Variants in PCDHA2 observed in about 807,000 individuals in gnomAD.
PCDHA2 encodes protocadherin alpha 2.
PCDHA2 carries 58 observed loss-of-function variants against 66.0 expected under a neutral mutation model. The observed-to-expected ratio is 0.88, with a 90% CI of 0.71 to 1.09. The LOEUF (loss-of-function observed/expected upper bound fraction) is 1.09. PCDHA2 is among the 50% of genes least tolerant of loss of function. The pLI, the probability that PCDHA2 is intolerant of heterozygous loss-of-function variation, is 0.00. For missense variants in PCDHA2, 1,267 were observed against 1,242.3 expected, an observed-to-expected ratio of 1.02 and a Z score of -0.30; for synonymous variants, 634 against 554.0, an observed-to-expected ratio of 1.14 and a Z score of -2.03.
At position 140,916,547 on chromosome 5, in the gene PCDHA2, T is replaced by A. The variant is rs541671578; in HGVS notation, c.2389-62402T>A. On this transcript the variant is annotated intron_variant, in intron 1 of 3. Transcript: ENST00000526136. ...TCCTTCCCACCAAGGCAATGGGTTT[T>A]CTATTTGTCCAGGGTGTGTCTAGAA... Among the ~76,000 whole-genome samples the A allele has an allele frequency of 2.0e-4, 31 of 152,324 alleles. 1 individual carries two copies. Among genetic ancestry groups the A allele is most frequent in the Non-Finnish European group, 3.4e-4 (23 of 68,020 alleles).
At position 140,970,091 on chromosome 5, in the gene PCDHA2, G is replaced by A. The variant is rs542039822; in HGVS notation, c.2389-8858G>A. ...AATGAGTGGATTAGGGGTGTGGGGG[G>A]ATGGTGAAGACCAAGAGAAGCTGGG... On this transcript the variant is annotated intron_variant, in intron 1 of 3. Coordinates refer to ENST00000526136, the MANE Select transcript of PCDHA2 (RefSeq NM_018905.3). 3.9e-4 allele frequency among the ~76,000 whole-genome samples: 59 copies of A among 152,258 alleles called. 1 individual carries two copies. Among genetic ancestry groups the A allele is most frequent in the Admixed American group, 1.1e-3 (17 of 15,292 alleles).
chr5:140,803,380 C>T, intron 1 of PCDHA2: 2 of 1,614,224 alleles, frequency 1.2e-6, no homozygotes, highest in African/African-American at 1.3e-5. Context: ...GCGCCGCCAA[C>T]CGAAGGCGAC....
chr5:140,835,607 G>C (rs2150239326), intron 1 of PCDHA2: 11 of 1,613,920 alleles, frequency 6.8e-6, no homozygotes, highest in South Asian at 2.2e-5. Context: ...ATTCATTGGT[G>C]CTGGACAGCG....
At position 140,927,047 on chromosome 5, in the gene PCDHA2, C is replaced by T. The variant is rs782800214; in HGVS notation, c.2389-51902C>T. On this transcript the variant is annotated intron_variant, in intron 1 of 3. Coordinates refer to ENST00000526136, the MANE Select transcript of PCDHA2 (RefSeq NM_018905.3). ...AGGCTGCCAGCGGCCGCTATGTCCT[C>T]GCGGAACTTTCGCTTCCTTTCCAGC... The T allele has an allele frequency of 2.5e-6, 4 of 1,612,066 alleles. No homozygotes were observed. The highest frequency in any genetic ancestry group is 1.7e-5 in the Admixed American group (1 of 59,932).
In PCDHA2 at chr5:140,797,157, G is replaced by A. The variant is rs1554120315; in HGVS notation, c.2193G>A (p.Ala731=). Residue 731 remains alanine, a synonymous_variant, in exon 1 of 4, where the codon GCG becomes GCA. Coordinates refer to ENST00000526136, the MANE Select transcript of PCDHA2 (RefSeq NM_018905.3). ...LRCSVPPTEG[A]RAPGKPTLVC... ...GCTCGGTGCCACCCACCGAGGGTGCGCGCGCGCCAGGAAAGCCCACGCTGG... is the reference window on the plus strand; with the variant it reads ...GCTCGGTGCCACCCACCGAGGGTGCACGCGCGCCAGGAAAGCCCACGCTGG... 2.5e-6 allele frequency: 4 copies of A among 1,613,956 alleles called. No individual in the cohort carries two copies. Among genetic ancestry groups the A allele is most frequent in the Non-Finnish European group, 3.4e-6 (4 of 1,179,992 alleles).
At chr5:140,938,469 T>C (rs1172900934) in intron 1 of PCDHA2, among the ~76,000 whole-genome samples, 1 of 152,218 alleles carries the variant, frequency 6.6e-6, no homozygotes, top group South Asian at 2.1e-4. Flanking sequence ...TAATTTATTA[T>C]GTTTTTTAAA....
chr5:140,857,959 T>G, intron 1 of PCDHA2: 1 of 1,597,228 alleles, frequency 6.3e-7, no homozygotes, highest in Non-Finnish European at 8.6e-7. Context: ...GCGCTCTGGA[T>G]GAGACTGACT....
chr5:140,972,152 A>AT (rs1203762947), intron 1 of PCDHA2, among the ~76,000 whole-genome samples: 3 of 151,770 alleles, frequency 2.0e-5, no homozygotes, highest in East Asian at 3.9e-4. Context: ...TTTTATTTTT[A>AT]TTTTTTTGAG....
At position 140,828,503 on chromosome 5, in the gene PCDHA2, CA is replaced by C. The variant is rs2150156146; in HGVS notation, c.2388+31154del. The stretch of plus-strand genomic sequence containing the variant: ...CCCGCCCTTGTTCCCGGTAGAGGAA[CA>C]AAGAGTGCTGATTTACGAATCTAGG... On this transcript the variant is annotated intron_variant, in intron 1 of 3. Coordinates refer to ENST00000526136, the MANE Select transcript of PCDHA2 (RefSeq NM_018905.3). 1.9e-6 allele frequency: 3 copies of C among 1,614,120 alleles called. No individual in the cohort carries two copies. The Admixed American group carries it at 5.0e-5, about 27-fold the overall frequency.
At chr5:140,912,674 A>G (rs184432134) in intron 1 of PCDHA2, among the ~76,000 whole-genome samples, 14 of 152,238 alleles carry the variant, frequency 9.2e-5, no homozygotes, top group Admixed American at 7.2e-4. Flanking sequence ...GGCATCCTTG[A>G]CTTATTCCAG....
intron 1 of PCDHA2, chr5:140,849,852 C>G: frequency 3.8e-6 from 6 of 1,598,608 alleles, no homozygotes; most frequent in Non-Finnish European, 5.1e-6. Flanking sequence ...CGACAACGCA[C>G]CAGCGTTCGC....
chr5:140,995,581 G>A (rs1268400169), intron 3 of PCDHA2, among the ~76,000 whole-genome samples: 6 of 152,292 alleles, frequency 3.9e-5, no homozygotes, highest in Admixed American at 2.0e-4. Context: ...TGAGCTATGA[G>A]CTTTTAACTT....
intron 2 of PCDHA2, among the ~76,000 whole-genome samples, chr5:140,981,687 A>ATCATTCATTCAT (rs200213847): frequency 1.1e-4 from 17 of 151,972 alleles, no homozygotes; most frequent in African/African-American, 4.1e-4. Context: ...CCTCCCTTCC[A>ATCATTCATTCAT]TCATTCATTC....
chr5:140,999,687 A>G (rs1554256930), intron 3 of PCDHA2, among the ~76,000 whole-genome samples: 2 of 152,044 alleles, frequency 1.3e-5, no homozygotes, highest in Non-Finnish European at 2.9e-5. Flanking sequence ...AGAAAGAAGA[A>G]ATGTGATTTT....
chr5:140,977,681 A>G (rs1363970729), intron 1 of PCDHA2, among the ~76,000 whole-genome samples: 2 of 152,208 alleles, frequency 1.3e-5, no homozygotes, highest in African/African-American at 4.8e-5. Context: ...AATATCATGT[A>G]GCCATCCAGA....
intron 1 of PCDHA2, chr5:140,863,718 G>A (rs2048134284): frequency 3.6e-6 from 1 of 274,680 alleles, no homozygotes; most frequent in South Asian, 3.9e-5. Flanking sequence ...ACTGGGGCCG[G>A]GTGCGGTAGC....
intron 1 of PCDHA2, chr5:140,865,878 T>C (rs1436758278): frequency 1.3e-5 from 2 of 152,170 alleles, no homozygotes; most frequent in Non-Finnish European, 2.9e-5. Flanking sequence ...GCTAGGAAAA[T>C]CAAGCACAAA....
At chr5:140,805,235 C>T in intron 1 of PCDHA2, 18 of 1,344,766 alleles carry the variant, frequency 1.3e-5, no homozygotes, top group Non-Finnish European at 1.7e-5. Flanking sequence ...TGCTGCATTC[C>T]CCATCTGTAC....
chr5:140,950,512 G>T (rs1239372084), intron 1 of PCDHA2, among the ~76,000 whole-genome samples: 11 of 152,016 alleles, frequency 7.2e-5, no homozygotes, highest in Non-Finnish European at 7.4e-5. Context: ...TATTCCCTGT[G>T]TGCGATATGA....
Sources: gnomAD v4.1 joint callset for allele counts (sites outside exome capture counted in the v4.1 genomes callset) on GRCh38, gnomAD v4.1.1 for gene constraint, MANE v1.5 for transcripts, NCBI Gene and HGNC (gene_info 2026-07-23, HGNC 2026-07-21) for gene names.